Variants in PPP4R4 observed in about 807,000 individuals in gnomAD.
PPP4R4 encodes the protein protein phosphatase 4 regulatory subunit 4, also known as serine/threonine-protein phosphatase 4 regulatory subunit 4.
Under a neutral mutation model 121.8 loss-of-function variants are expected in PPP4R4, and 70 were observed. That is an observed-to-expected ratio of 0.57 (90% CI 0.47 to 0.70). PPP4R4 has a LOEUF of 0.70. Among genes scored for constraint, PPP4R4 ranks in the 30% least tolerant of loss-of-function variants. PPP4R4 has a pLI of 0.00. For missense variants in PPP4R4, 875 were observed against 1,033.6 expected (o/e 0.85, Z 2.10); for synonymous variants, 348 against 355.7 (o/e 0.98, Z 0.24).
intron 2 of PPP4R4, among the ~76,000 whole-genome samples, chr14:94,176,937 G>A (rs1034808840): frequency 2.0e-5 from 3 of 151,730 alleles, no homozygotes; most frequent in Admixed American, 1.3e-4. Context: ...GAAAACTGAT[G>A]TAATTTACCT....
At chr14:94,250,445 T>G (rs1171941269) in intron 15 of PPP4R4, among the ~76,000 whole-genome samples, 168 bp downstream of exon 15, 6 of 152,066 alleles carry the variant, frequency 3.9e-5, no homozygotes, top group Non-Finnish European at 5.9e-5. Flanking sequence ...AGATCTGTGA[T>G]GAATGAAAGT....
chr14:94,251,117 T>C (rs1329558683), intron 15 of PPP4R4, among the ~76,000 whole-genome samples: 1 of 152,058 alleles, frequency 6.6e-6, no homozygotes, highest in Non-Finnish European at 1.5e-5. Context: ...ATGTTTTATT[T>C]TGAAAGAAGA....
intron 3 of PPP4R4, among the ~76,000 whole-genome samples, chr14:94,224,044 A>C (rs979768972): frequency 1.3e-5 from 2 of 152,204 alleles, no homozygotes; most frequent in Admixed American, 6.5e-5. Context: ...TGTTGGTATG[A>C]CATTACATGT....
At chr14:94,253,513 A>G (rs1397589606) in intron 16 of PPP4R4, among the ~76,000 whole-genome samples, 2 of 152,228 alleles carry the variant, frequency 1.3e-5, no homozygotes, top group African/African-American at 2.4e-5. Context: ...TAAACAACTA[A>G]TGGGTCCATC....
chr14:94,268,180 G>A (rs1223970361), intron 23 of PPP4R4, among the ~76,000 whole-genome samples: 1 of 152,186 alleles, frequency 6.6e-6, no homozygotes, highest in African/African-American at 2.4e-5. Context: ...AAAATATAGA[G>A]TGCCTTTAAA....
At chr14:94,220,903 A>G (rs1021051192) in intron 3 of PPP4R4, among the ~76,000 whole-genome samples, 4 of 152,188 alleles carry the variant, frequency 2.6e-5, no homozygotes, top group African/African-American at 9.6e-5. Flanking sequence ...TAAGATTCGT[A>G]TGAGAATGTA....
At chr14:94,268,925 T>C (rs1349978427) in intron 23 of PPP4R4, among the ~76,000 whole-genome samples, 1 of 152,144 alleles carries the variant, frequency 6.6e-6, no homozygotes, top group Non-Finnish European at 1.5e-5. Flanking sequence ...AGTAAATATT[T>C]TATTAAAATA....
chr14:94,242,469 A>G (rs1892685957), intron 11 of PPP4R4, 61 bp downstream of exon 11: 3 of 1,491,818 alleles, frequency 2.0e-6, no homozygotes, highest in Admixed American at 1.7e-5. Flanking sequence ...TGTATACTAG[A>G]TGATTTTGTG....
At chr14:94,181,029 C>T (rs796549838) in intron 2 of PPP4R4, among the ~76,000 whole-genome samples, 6 of 152,194 alleles carry the variant, frequency 3.9e-5, no homozygotes, top group African/African-American at 1.4e-4. Flanking sequence ...TTGCTACTCA[C>T]CTAGCTTTTG....
intron 23 of PPP4R4, among the ~76,000 whole-genome samples, chr14:94,274,746 A>G (rs1894541138): frequency 6.6e-6 from 1 of 152,190 alleles, no homozygotes; most frequent in South Asian, 2.1e-4. Context: ...TTTGAAGTTA[A>G]ATATATATTT....
At chr14:94,177,300 C>T (rs1888731580) in intron 2 of PPP4R4, among the ~76,000 whole-genome samples, 1 of 152,160 alleles carries the variant, frequency 6.6e-6, no homozygotes, top group Non-Finnish European at 1.5e-5. Context: ...AGCATGCTCT[C>T]ATCATTTCTA....
chr14:94,241,700 C>A (rs1892644708), intron 9 of PPP4R4, 88 bp from the exon 10 acceptor site: 3 of 1,007,852 alleles, frequency 3.0e-6, no homozygotes, highest in Non-Finnish European at 4.3e-6. Flanking sequence ...TATTTGGCTC[C>A]AATTATATTT....
At chr14:94,206,675 G>A (rs1890478066) in intron 2 of PPP4R4, among the ~76,000 whole-genome samples, 2 of 151,670 alleles carry the variant, frequency 1.3e-5, no homozygotes, top group Admixed American at 1.3e-4. Context: ...TGTTCATCTA[G>A]TTAGCCATCT....
chr14:94,250,124 G>A, intron 14 of PPP4R4, 48 bp from the exon 15 acceptor site: 1 of 1,267,204 alleles, frequency 7.9e-7, no homozygotes, highest in Non-Finnish European at 1.2e-6. Context: ...AAATTATCTA[G>A]ACTAGAATTA....
At chr14:94,181,207 T>C (rs1366471236) in intron 2 of PPP4R4, among the ~76,000 whole-genome samples, 1 of 152,058 alleles carries the variant, frequency 6.6e-6, no homozygotes, top group African/African-American at 2.4e-5. Flanking sequence ...ATTGTTTTAG[T>C]GAGGCATGGT....
intron 19 of PPP4R4, among the ~76,000 whole-genome samples, chr14:94,260,441 A>G (rs1056942567): frequency 6.6e-6 from 1 of 152,088 alleles, no homozygotes; most frequent in African/African-American, 2.4e-5. Context: ...AAAACAAAAC[A>G]AAACAAAAAA....
intron 19 of PPP4R4, 78 bp downstream of exon 19, chr14:94,259,447 C>A: frequency 1.4e-6 from 2 of 1,385,784 alleles, no homozygotes; most frequent in Non-Finnish European, 1.9e-6. Context: ...TTAATCATTT[C>A]TTTCCATTTC....
chr14:94,231,435 C>T (rs547963114), intron 5 of PPP4R4, 120 bp downstream of exon 5: 19 of 705,424 alleles, frequency 2.7e-5, no homozygotes, highest in Middle Eastern at 3.2e-4. Context: ...GAATGTAACA[C>T]GTGCACATTG....
rs1399412432 is a variant in PPP4R4 at position 94,259,308 on chromosome 14, T to C, written c.2066T>C (p.Phe689Ser). 1 of 1,606,918 alleles carries C rather than the reference T, an allele frequency of 6.2e-7. No individual in the cohort carries two copies. The highest frequency in any genetic ancestry group is 8.5e-7 in the Non-Finnish European group (1 of 1,177,872). Reference sequence around the variant, plus strand: ...AACTTTAAACAGTTTCAGAAAAAGTTTTATGAGAAAGATTTGTTGGATCAA... The same window carrying C: ...AACTTTAAACAGTTTCAGAAAAAGTCTTATGAGAAAGATTTGTTGGATCAA... ...EMSMDAFQKK[F>S]YEKDLLDQEK... is the part of the protein sequence containing the mutation. The change falls in exon 19 of 25, where the codon TTT becomes TCT. Residue 689 changes from phenylalanine (F) to serine (S), a missense_variant. By Grantham distance (155) the Phe-to-Ser change is radical (BLOSUM62 -2). Coordinates refer to ENST00000304338, the MANE Select transcript of PPP4R4 (RefSeq NM_058237.2).
Sources: gnomAD v4.1 joint callset for allele counts (sites outside exome capture counted in the v4.1 genomes callset) on GRCh38, gnomAD v4.1.1 for gene constraint, MANE v1.5 for transcripts, NCBI Gene and HGNC (gene_info 2026-07-23, HGNC 2026-07-21) for gene names.